Variants in CDC42SE2 observed in about 807,000 individuals in gnomAD.
CDC42SE2 encodes the protein CDC42 small effector 2.
Under a neutral mutation model 11.5 loss-of-function variants are expected in CDC42SE2, and 3 were observed. The observed-to-expected ratio is 0.26, with a 90% CI of 0.12 to 0.67. The LOEUF (loss-of-function observed/expected upper bound fraction) is 0.67, where lower values mean the gene tolerates loss of function less well. CDC42SE2 is among the 30% of genes least tolerant of loss of function. CDC42SE2 has a pLI of 0.80. For synonymous variants in CDC42SE2, 33 were observed against 34.8 expected, an observed-to-expected ratio of 0.95 and a Z score of 0.18; for missense variants, 82 against 106.8, an observed-to-expected ratio of 0.77 and a Z score of 1.02.
At chr5:131,278,716 C>T (rs1757159504) in intron 1 of CDC42SE2, among the ~76,000 whole-genome samples, 5 of 52,604 alleles carry the variant, frequency 9.5e-5, no homozygotes, top group African/African-American at 1.8e-4. Context: ...TTTCCTCTCC[C>T]CTCCCCTCCC....
intron 1 of CDC42SE2, among the ~76,000 whole-genome samples, chr5:131,305,128 T>G (rs1357329228): frequency 6.6e-6 from 1 of 152,140 alleles, no homozygotes; most frequent in Non-Finnish European, 1.5e-5. Context: ...TATATACTCT[T>G]TGTGTGGCTT....
At chr5:131,300,944 T>A (rs1351795579) in intron 1 of CDC42SE2, among the ~76,000 whole-genome samples, 1 of 152,190 alleles carries the variant, frequency 6.6e-6, no homozygotes, top group Non-Finnish European at 1.5e-5. Flanking sequence ...AAGTAAACAC[T>A]TTATACATCT....
At chr5:131,274,001 C>T (rs1214806193) in intron 1 of CDC42SE2, among the ~76,000 whole-genome samples, 1 of 151,900 alleles carries the variant, frequency 6.6e-6, no homozygotes, top group Non-Finnish European at 1.5e-5. Context: ...TGGTCTTGGG[C>T]TCAAGTGATC....
chr5:131,274,021 G>A (rs549508493), intron 1 of CDC42SE2, among the ~76,000 whole-genome samples: 47 of 151,972 alleles, frequency 3.1e-4, no homozygotes, highest in African/African-American at 1.1e-3. Context: ...CTGCCTGCCT[G>A]GGCCCCCCAA....
At chr5:131,341,764 C>G (rs140084639) in intron 2 of CDC42SE2, among the ~76,000 whole-genome samples, 2,296 of 151,692 alleles carry the variant, frequency 0.015, 38 homozygotes, top group Admixed American at 0.031. Flanking sequence ...TCAGAGAAAA[C>G]AAAAGATTAT....
intron 1 of CDC42SE2, among the ~76,000 whole-genome samples, chr5:131,306,998 G>C (rs2149720494): frequency 6.6e-6 from 1 of 151,916 alleles, no homozygotes; most frequent in South Asian, 2.1e-4. Context: ...GGAGGCTTTA[G>C]GGTTTTCTAC....
the CDC42SE2 span, among the ~76,000 whole-genome samples, chr5:131,224,933 T>C: frequency 6.6e-6 from 1 of 151,094 alleles, no homozygotes; most frequent in Non-Finnish European, 1.5e-5. Context: ...CATGTGGGGG[T>C]GCCCAGCAGG....
intron 3 of CDC42SE2, among the ~76,000 whole-genome samples, chr5:131,359,877 G>A (rs1409309368): frequency 6.6e-6 from 1 of 152,060 alleles, no homozygotes; most frequent in Non-Finnish European, 1.5e-5. Context: ...GTCAGTGGGT[G>A]GAAGATGTGA....
At chr5:131,247,528 A>G (rs1210979087) in intron 1 of CDC42SE2, among the ~76,000 whole-genome samples, 2 of 152,144 alleles carry the variant, frequency 1.3e-5, no homozygotes, top group African/African-American at 4.8e-5. Flanking sequence ...CTGAGGCAAG[A>G]GAATCACTTG....
intron 1 of CDC42SE2, among the ~76,000 whole-genome samples, chr5:131,292,236 T>C (rs1580735021): frequency 1.3e-5 from 1 of 77,982 alleles, no homozygotes; most frequent in Admixed American, 2.0e-4. Flanking sequence ...AGACTCTGTC[T>C]CACCAAAAAA....
At chr5:131,219,973 C>A in the CDC42SE2 span, among the ~76,000 whole-genome samples, 3 of 151,038 alleles carry the variant, frequency 2.0e-5, no homozygotes, top group Admixed American at 6.6e-5. Context: ...GTTGCCACAG[C>A]AACTGTAATA....
At chr5:131,314,463 A>G (rs1757999504) in intron 1 of CDC42SE2, among the ~76,000 whole-genome samples, 1 of 151,922 alleles carries the variant, frequency 6.6e-6, no homozygotes, top group Non-Finnish European at 1.5e-5. Flanking sequence ...CTGGTCTTAA[A>G]ATCCTGGCCT....
intron 1 of CDC42SE2, among the ~76,000 whole-genome samples, chr5:131,294,010 G>A (rs909705894): frequency 6.6e-6 from 1 of 152,166 alleles, no homozygotes; most frequent in Non-Finnish European, 1.5e-5. Flanking sequence ...TGGAAGTAAT[G>A]TCACACTGAG....
At chr5:131,373,366 G>A (rs1273282031) in intron 3 of CDC42SE2, among the ~76,000 whole-genome samples, 2 of 152,154 alleles carry the variant, frequency 1.3e-5, no homozygotes, top group Non-Finnish European at 2.9e-5. Flanking sequence ...TGCGTACAGA[G>A]GGGGATACTG....
At chr5:131,322,573 G>A (rs968167309) in intron 2 of CDC42SE2, among the ~76,000 whole-genome samples, 1 of 152,084 alleles carries the variant, frequency 6.6e-6, no homozygotes, top group Non-Finnish European at 1.5e-5. Flanking sequence ...ACTTGAAGTC[G>A]TGGGCTCAAG....
upstream of CDC42SE2, among the ~76,000 whole-genome samples, chr5:131,242,380 T>A (rs1385661493): frequency 1.3e-5 from 2 of 152,182 alleles, no homozygotes; most frequent in African/African-American, 4.8e-5. Flanking sequence ...ATAATCAGAA[T>A]AAGTGGCCTT....
At chr5:131,327,337 T>C (rs1253126034) in intron 2 of CDC42SE2, among the ~76,000 whole-genome samples, 1 of 152,202 alleles carries the variant, frequency 6.6e-6, no homozygotes, top group Non-Finnish European at 1.5e-5. Context: ...AGTGAGTATA[T>C]TGCTGGTATT....
chr5:131,287,716 C>T (rs974501607), intron 1 of CDC42SE2, among the ~76,000 whole-genome samples: 7 of 151,974 alleles, frequency 4.6e-5, no homozygotes, highest in African/African-American at 1.4e-4. Flanking sequence ...TCCAGTGATC[C>T]GCCCTCTTCG....
intron 1 of CDC42SE2, among the ~76,000 whole-genome samples, chr5:131,299,828 TTAATG>T (rs1237703658): frequency 2.0e-5 from 3 of 152,138 alleles, no homozygotes; most frequent in Non-Finnish European, 4.4e-5. Flanking sequence ...TTAAGAACTA[TTAATG>T]TAATGTTAGT....
Sources: allele counts gnomAD v4.1 joint callset (sites outside exome capture counted in the v4.1 genomes callset), GRCh38; gene constraint gnomAD v4.1.1; transcripts MANE v1.5; gene names NCBI Gene and HGNC (gene_info 2026-07-23, HGNC 2026-07-21).